Variants in MOSMO observed in about 807,000 individuals in gnomAD.
MOSMO encodes modulator of smoothened protein.
MOSMO carries 5 observed loss-of-function variants against 18.4 expected under a neutral mutation model. That is an observed-to-expected ratio of 0.27 (90% CI 0.14 to 0.57). MOSMO has a LOEUF of 0.57. MOSMO is among the 20% of genes least tolerant of loss of function. MOSMO has a pLI of 0.92. For synonymous variants in MOSMO, 82 were observed against 82.3 expected, an observed-to-expected ratio of 1.00 and a Z score of 0.02; for missense variants, 138 against 211.8, an observed-to-expected ratio of 0.65 and a Z score of 2.16.
At chr16:22,046,702 C>T (rs965700552) in intron 1 of MOSMO, among the ~76,000 whole-genome samples, 5 of 152,052 alleles carry the variant, frequency 3.3e-5, no homozygotes, top group South Asian at 2.1e-4. Flanking sequence ...AAAGACGTGG[C>T]GCTGAAGAGA....
chr16:22,061,978 T>C (rs1900653651), intron 1 of MOSMO, among the ~76,000 whole-genome samples: 1 of 152,340 alleles, frequency 6.6e-6, no homozygotes, highest in Non-Finnish European at 1.5e-5. Flanking sequence ...ATGTCAGAAC[T>C]AGAACTTTTG....
chr16:22,080,699 T>C lies in MOSMO; in HGVS notation c.323T>C (p.Ile108Thr). The change falls in exon 3 of 3, where the codon ATC (isoleucine) becomes ACC (threonine). Residue 108 changes from isoleucine to threonine, a missense_variant. Transcript: ENST00000542527. ...TGTGTTTTGGTTTGTTTTACAGTGA[T>C]CCTTTTCTGTATGGCTGCCCTAATA... ...YARWIAFTGM[I>T]LFCMAALIFP... The C allele has an allele frequency of 6.7e-7, 1 of 1,488,060 alleles. No homozygotes were observed. The highest frequency in any genetic ancestry group is 2.4e-5 in the Admixed American group (1 of 41,222). 92.2% of individuals were successfully genotyped at this position (1,488,060 alleles called of 1,614,324 possible).
chr16:22,028,031 G>A (rs1899911604), intron 1 of MOSMO, among the ~76,000 whole-genome samples: 1 of 152,062 alleles, frequency 6.6e-6, no homozygotes, highest in Admixed American at 6.6e-5. Flanking sequence ...ATTTATTGGT[G>A]TCAGTTCTCT....
downstream of MOSMO, chr16:22,089,954 C>T (rs918490305): frequency 6.6e-6 from 1 of 151,820 alleles, no homozygotes; most frequent in African/African-American, 2.4e-5. Flanking sequence ...GCATGTTTGC[C>T]TAATACCATG....
At chr16:22,053,182 C>A (rs1900463430) in intron 1 of MOSMO, among the ~76,000 whole-genome samples, 1 of 150,880 alleles carries the variant, frequency 6.6e-6, no homozygotes, top group South Asian at 2.1e-4. Context: ...TGGCATGTCT[C>A]CAACTCCTGG....
At chr16:22,013,546 A>T (rs1023403003) in intron 1 of MOSMO, among the ~76,000 whole-genome samples, 1 of 152,284 alleles carries the variant, frequency 6.6e-6, no homozygotes, top group Non-Finnish European at 1.5e-5. Flanking sequence ...TAAACAGTTA[A>T]GTAAAGCTGC....
chr16:22,051,252 G>T (rs191497913), intron 1 of MOSMO, among the ~76,000 whole-genome samples: 5 of 151,920 alleles, frequency 3.3e-5, no homozygotes, highest in Non-Finnish European at 7.4e-5. Flanking sequence ...GCCGAGCATG[G>T]TGGTGCACAC....
At chr16:22,062,014 A>G (rs1330419167) in intron 1 of MOSMO, among the ~76,000 whole-genome samples, 1 of 152,218 alleles carries the variant, frequency 6.6e-6, no homozygotes, top group Admixed American at 6.5e-5. Context: ...CTCCACTCTT[A>G]AATCTATCCA....
At chr16:22,024,548 G>A (rs1899836943) in intron 1 of MOSMO, among the ~76,000 whole-genome samples, 1 of 151,814 alleles carries the variant, frequency 6.6e-6, no homozygotes, top group African/African-American at 2.4e-5. Flanking sequence ...CGTATTTTTA[G>A]CAGAGACGGG....
chr16:22,018,292 G>T (rs1473564490), intron 1 of MOSMO, among the ~76,000 whole-genome samples: 2 of 152,128 alleles, frequency 1.3e-5, no homozygotes, highest in Admixed American at 1.3e-4. Context: ...TTTCATTATT[G>T]CAATATATTC....
chr16:22,017,762 G>C (rs544529252), intron 1 of MOSMO, among the ~76,000 whole-genome samples: 1 of 152,214 alleles, frequency 6.6e-6, no homozygotes, highest in African/African-American at 2.4e-5. Context: ...TACTGTGTTT[G>C]TAAACTTTAC....
intron 1 of MOSMO, among the ~76,000 whole-genome samples, chr16:22,023,004 A>AG (rs1899796136): frequency 6.6e-6 from 1 of 152,228 alleles, no homozygotes; most frequent in Non-Finnish European, 1.5e-5. Context: ...TGATAATCAC[A>AG]GGTAGCCTAC....
rs548527584 is a variant in MOSMO, at chr16:22,046,330, A to G, written c.107-29157A>G. ...GTAAAGTCACTGCAAACATTGAATT[A>G]GTGAATACTGGATCATTGCCCCTGG... On this transcript the variant is annotated intron_variant, in intron 1 of 2. Coordinates refer to ENST00000542527, the MANE Select transcript of MOSMO (RefSeq NM_001164579.2). Among the ~76,000 whole-genome samples the G allele has an allele frequency of 1.5e-3, 229 of 152,270 alleles. 1 individual carries two copies. Among genetic ancestry groups the G allele is most frequent in the Admixed American group, 3.7e-3 (57 of 15,304 alleles).
intron 1 of MOSMO, among the ~76,000 whole-genome samples, chr16:22,042,601 C>T (rs1424163216): frequency 6.6e-6 from 1 of 152,160 alleles, no homozygotes; most frequent in Non-Finnish European, 1.5e-5. Context: ...CATCATTTCA[C>T]CAACTGTTAT....
chr16:22,008,604 C>T (rs965132354), intron 1 of MOSMO, among the ~76,000 whole-genome samples, 197 bp downstream of exon 1: 2 of 151,704 alleles, frequency 1.3e-5, no homozygotes, highest in Non-Finnish European at 2.9e-5. Flanking sequence ...AGCGGGACCC[C>T]CGGGCTGAGG....
intron 2 of MOSMO, among the ~76,000 whole-genome samples, chr16:22,079,063 G>A (rs192059264): frequency 6.6e-6 from 1 of 152,304 alleles, no homozygotes; most frequent in East Asian, 1.9e-4. Flanking sequence ...TTAAGCTGAT[G>A]TATTACTTAA....
At chr16:22,078,427 T>A (rs1901015009) in intron 2 of MOSMO, among the ~76,000 whole-genome samples, 1 of 152,208 alleles carries the variant, frequency 6.6e-6, no homozygotes. Context: ...AAACAGGACT[T>A]CATTGTTCCC....
At chr16:22,017,953 C>T (rs1899674934) in intron 1 of MOSMO, among the ~76,000 whole-genome samples, 1 of 152,040 alleles carries the variant, frequency 6.6e-6, no homozygotes, top group African/African-American at 2.4e-5. Context: ...TATGTACCAA[C>T]TAACATGTAT....
At chr16:22,056,230 G>A (rs370061939) in intron 1 of MOSMO, among the ~76,000 whole-genome samples, 9 of 151,950 alleles carry the variant, frequency 5.9e-5, no homozygotes, top group East Asian at 3.9e-4. Context: ...TTTCTAAAAC[G>A]TTTTGACAAA....
Sources: allele counts gnomAD v4.1 joint callset (sites outside exome capture counted in the v4.1 genomes callset), GRCh38; gene constraint gnomAD v4.1.1; transcripts MANE v1.5; gene names NCBI Gene and HGNC (gene_info 2026-07-23, HGNC 2026-07-21).